SNX13: variants seen among roughly 807,000 people sequenced by gnomAD.
SNX13 encodes the protein sorting nexin-13.
Under a neutral mutation model 133.6 loss-of-function variants are expected in SNX13, and 45 were observed. The observed-to-expected ratio is 0.34, with a 90% CI of 0.27 to 0.43. The LOEUF is 0.43. SNX13 is among the 20% of genes least tolerant of loss of function. The pLI is 1.00. For synonymous variants in SNX13, 414 were observed against 373.9 expected (o/e 1.11, Z -1.24); for missense variants, 1,032 against 1,145.1 (o/e 0.90, Z 1.43).
chr7:17,806,100 G>A (rs1275743470), intron 20 of SNX13, among the ~76,000 whole-genome samples: 1 of 152,128 alleles, frequency 6.6e-6, no homozygotes, highest in Admixed American at 6.5e-5. Context: ...TTACACAGAT[G>A]CTGTATATTC....
chr7:17,856,577 G>A (rs1263225415), intron 9 of SNX13, among the ~76,000 whole-genome samples: 1 of 151,954 alleles, frequency 6.6e-6, no homozygotes, highest in Non-Finnish European at 1.5e-5. Context: ...AGGGGTACTT[G>A]AGCCAGAAGT....
intron 5 of SNX13, chr7:17,889,429 G>A (rs1032390127): frequency 1.1e-4 from 17 of 152,032 alleles, no homozygotes; most frequent in Admixed American, 5.9e-4. Flanking sequence ...GGCCTGAGAG[G>A]GCAGCATGGC....
chr7:17,848,222 C>A (rs1032351855), intron 11 of SNX13, among the ~76,000 whole-genome samples: 15 of 152,160 alleles, frequency 9.9e-5, no homozygotes, highest in African/African-American at 3.6e-4. Flanking sequence ...CAAATGGAGA[C>A]AGCCGGACTT....
At chr7:17,885,249 T>C (rs578061754) in intron 5 of SNX13, among the ~76,000 whole-genome samples, 3 of 147,956 alleles carry the variant, frequency 2.0e-5, no homozygotes, top group East Asian at 2.0e-4. Flanking sequence ...AGACCACATA[T>C]ATTATTTCAT....
chr7:17,870,724 T>G (rs1320628553), intron 8 of SNX13, among the ~76,000 whole-genome samples: 1 of 152,220 alleles, frequency 6.6e-6, no homozygotes, highest in Non-Finnish European at 1.5e-5. Flanking sequence ...CGTTAAGCAC[T>G]AAGTATATAT....
intron 5 of SNX13, among the ~76,000 whole-genome samples, chr7:17,885,100 G>C (rs756278987): frequency 6.6e-6 from 1 of 152,014 alleles, no homozygotes; most frequent in African/African-American, 2.4e-5. Flanking sequence ...CAACCTAAAT[G>C]CCCATTTACT....
chr7:17,927,642 CA>C (rs1389786579), intron 1 of SNX13, among the ~76,000 whole-genome samples: 1 of 152,106 alleles, frequency 6.6e-6, no homozygotes, highest in Admixed American at 6.5e-5. Flanking sequence ...GACACTAAAC[CA>C]AAATAAAATT....
At chr7:17,940,057 G>C (rs930988767) in intron 1 of SNX13, among the ~76,000 whole-genome samples, 1 of 152,208 alleles carries the variant, frequency 6.6e-6, no homozygotes, top group Non-Finnish European at 1.5e-5. Context: ...CGAGTGGCAA[G>C]TGGCAACTGC....
chr7:17,931,670 C>G (rs1172230033), intron 1 of SNX13, among the ~76,000 whole-genome samples: 1 of 152,164 alleles, frequency 6.6e-6, no homozygotes, highest in Non-Finnish European at 1.5e-5. Flanking sequence ...CTGGATTCAC[C>G]TTAGGGTCTT....
intron 1 of SNX13, among the ~76,000 whole-genome samples, chr7:17,922,769 T>C (rs1006088947): frequency 2.0e-5 from 3 of 150,730 alleles, no homozygotes; most frequent in African/African-American, 7.4e-5. Context: ...GAAAAAAAGA[T>C]AAAGAGAAAA....
At position 17,883,354 on chromosome 7, in the gene SNX13, G is replaced by A. The variant is rs191206118; in HGVS notation, c.440+7009C>T. Among the ~76,000 whole-genome samples, 198 of 152,278 alleles carry A rather than the reference G, an allele frequency of 1.3e-3. No homozygotes were observed. The Middle Eastern group carries it at 0.024, about 18-fold the overall frequency. On this transcript the variant is annotated intron_variant, in intron 5 of 25. Coordinates refer to ENST00000428135, the MANE Select transcript of SNX13 (RefSeq NM_015132.5). The stretch of plus-strand genomic sequence containing the variant: ...AGGAAAAAACATAACATGGGGCTAA[G>A]TGCACATCTTCTTAAGTATGTTAAA...
intron 1 of SNX13, among the ~76,000 whole-genome samples, chr7:17,911,364 C>T (rs1267199401): frequency 6.6e-6 from 1 of 152,134 alleles, no homozygotes; most frequent in South Asian, 2.1e-4. Context: ...ATTGCCGGGG[C>T]GCAGTGATTC....
At chr7:17,842,813 C>T (rs1434871476) in intron 12 of SNX13, among the ~76,000 whole-genome samples, 1 of 151,930 alleles carries the variant, frequency 6.6e-6, no homozygotes, top group Non-Finnish European at 1.5e-5. Flanking sequence ...GGTGACAGAG[C>T]TGTAAAGGAG....
chr7:17,888,614 A>C (rs1796274088), intron 5 of SNX13: 2 of 462,496 alleles, frequency 4.3e-6, no homozygotes, highest in Non-Finnish European at 8.9e-6. Context: ...GATGGCATAA[A>C]AACTTAAATT....
chr7:17,933,262 G>A (rs12531993), intron 1 of SNX13, among the ~76,000 whole-genome samples: 9,816 of 152,096 alleles, frequency 0.065, 349 homozygotes, highest in Non-Finnish European at 0.082. Flanking sequence ...GCTTTAAGGC[G>A]GCCGGGCCCA....
intron 13 of SNX13, among the ~76,000 whole-genome samples, chr7:17,839,040 C>T (rs1005761516): frequency 1.3e-5 from 2 of 149,372 alleles, no homozygotes; most frequent in African/African-American, 4.9e-5. Context: ...AGAATTATTA[C>T]AATATTATTA....
intron 5 of SNX13, among the ~76,000 whole-genome samples, chr7:17,878,615 C>T (rs76807421): frequency 3.3e-3 from 497 of 152,308 alleles, no homozygotes; most frequent in African/African-American, 0.011. Context: ...AGGTCTCCCA[C>T]ATCCACTCGT....
At position 17,848,572 on chromosome 7, in the gene SNX13, T is replaced by C. The variant is rs1790822551; in HGVS notation, c.1065+1775A>G. Among the ~76,000 whole-genome samples, 6 of 152,214 alleles carry C rather than the reference T, an allele frequency of 3.9e-5. No homozygotes were observed. The South Asian group carries it at 1.2e-3, about 31-fold the overall frequency. On this transcript the variant is annotated intron_variant, in intron 11 of 25. Transcript: ENST00000428135. ...TTTGGGAGTCACAGGCACCTCTGAC[T>C]GGACAGCTGTAGGGCCTGAACAGAG...
intron 1 of SNX13, among the ~76,000 whole-genome samples, chr7:17,913,645 G>A (rs925511668): frequency 6.6e-6 from 1 of 150,760 alleles, no homozygotes; most frequent in Non-Finnish European, 1.5e-5. Flanking sequence ...CCCTCTGAAA[G>A]CACCCAGAAA....
Sources: gnomAD v4.1 joint callset for allele counts (sites outside exome capture counted in the v4.1 genomes callset) on GRCh38, gnomAD v4.1.1 for gene constraint, MANE v1.5 for transcripts, NCBI Gene and HGNC (gene_info 2026-07-23, HGNC 2026-07-21) for gene names.